NANOS3: variants seen among roughly 807,000 people sequenced by gnomAD.
NANOS3 encodes the protein nanos C2HC-type zinc finger 3.
In NANOS3, 11 loss-of-function variants were observed where a neutral mutation model predicts 13.8. The ratio of observed to expected loss-of-function variants is 0.80; its 90% CI spans 0.50 to 1.32. NANOS3 has a LOEUF of 1.32. NANOS3 is among the 40% of genes most tolerant of loss of function. NANOS3 has a pLI of 0.00. For missense variants in NANOS3, 221 were observed against 263.8 expected, an observed-to-expected ratio of 0.84 and a Z score of 1.12; for synonymous variants, 119 against 115.4, an observed-to-expected ratio of 1.03 and a Z score of -0.20.
In NANOS3 at chr19:13,877,353, G is replaced by A. The variant is rs1356687067; in HGVS notation, c.105G>A (p.Glu35=). The A allele has an allele frequency of 6.2e-7, 1 of 1,612,774 alleles. No individual in the cohort carries two copies. The highest frequency in any genetic ancestry group is 1.1e-5 in the South Asian group (1 of 91,088). Residue 35 remains glutamate (E), a synonymous_variant, in exon 1 of 2, where the codon GAG becomes GAA. Transcript: ENST00000339133. The stretch of plus-strand genomic sequence containing the variant: ...AAACCAGGCTGAGCCCCCAGCCAGA[G>A]CCAGAGCCAATGCTGGAGCCGGTGT... ...GPETRLSPQP[E]PEPMLEPVSA...
At chr19:13,864,800 G>A (rs1213443254), upstream of NANOS3, among the ~76,000 whole-genome samples, 1 of 152,126 alleles carries the variant, frequency 6.6e-6, no homozygotes, top group Non-Finnish European at 1.5e-5. Flanking sequence ...TACCTTGCAT[G>A]TGTCTGGTGC....
chr19:13,871,284 G>A (rs1976323994), intron 1 of NANOS3, among the ~76,000 whole-genome samples: 1 of 152,104 alleles, frequency 6.6e-6, no homozygotes, highest in African/African-American at 2.4e-5. Flanking sequence ...TGCACGGGCT[G>A]GGCAGGAGAC....
chr19:13,875,027 C>T (rs762064679), upstream of NANOS3: 3 of 452,454 alleles, frequency 6.6e-6, no homozygotes, highest in African/African-American at 6.1e-5. Context: ...ACAGGACCCC[C>T]CACCGCCACA....
At chr19:13,878,418 T>C (rs1290894094) in intron 1 of NANOS3, among the ~76,000 whole-genome samples, 2 of 151,282 alleles carry the variant, frequency 1.3e-5, no homozygotes, top group Non-Finnish European at 2.9e-5. Context: ...TTTGTATTTT[T>C]AGTAGAGATG....
chr19:13,863,573 G>A (rs1000785257), upstream of NANOS3, among the ~76,000 whole-genome samples: 2 of 152,006 alleles, frequency 1.3e-5, no homozygotes, highest in African/African-American at 4.8e-5. Context: ...GGCGGCACAG[G>A]AGGGCCATCA....
At chr19:13,867,993 C>T (rs138015141) in intron 1 of NANOS3, among the ~76,000 whole-genome samples, 15 of 152,112 alleles carry the variant, frequency 9.9e-5, no homozygotes, top group East Asian at 3.9e-4. Context: ...AAATGACACA[C>T]AGGCAGGCAG....
chr19:13,866,713 CAG>C (rs1976246905), intron 1 of NANOS3, among the ~76,000 whole-genome samples: 2 of 152,198 alleles, frequency 1.3e-5, no homozygotes, highest in Admixed American at 6.5e-5. Context: ...GCATGTCACT[CAG>C]GGTAGCAATG....
intron 1 of NANOS3, among the ~76,000 whole-genome samples, chr19:13,865,713 T>C (rs1233911639): frequency 1.6e-5 from 2 of 127,478 alleles, no homozygotes; most frequent in Non-Finnish European, 3.2e-5. Context: ...GACCCCCGAG[T>C]CCCGGAGCCG....
chr19:13,862,473 G>A (rs916013672), upstream of NANOS3, among the ~76,000 whole-genome samples: 7 of 152,178 alleles, frequency 4.6e-5, no homozygotes, highest in African/African-American at 1.7e-4. Flanking sequence ...ACAGCTGGCC[G>A]GTCCTGGAGA....
At chr19:13,876,191 T>G (rs1968506140), upstream of NANOS3, among the ~76,000 whole-genome samples, 3 of 152,250 alleles carry the variant, frequency 2.0e-5, no homozygotes, top group East Asian at 3.9e-4. Context: ...CAGGCTGGAG[T>G]GCAGTGGCTT....
chr19:13,874,070 G>A (rs527569612), upstream of NANOS3, among the ~76,000 whole-genome samples: 1 of 152,138 alleles, frequency 6.6e-6, no homozygotes, highest in Non-Finnish European at 1.5e-5. Context: ...CCCGAGTTCA[G>A]ATGCTGTGTG....
upstream of NANOS3, among the ~76,000 whole-genome samples, chr19:13,873,777 G>A (rs562922454): frequency 3.2e-4 from 48 of 152,220 alleles, no homozygotes; most frequent in Non-Finnish European, 5.9e-4. Context: ...GCCATGCCGG[G>A]TGCACCTTCC....
upstream of NANOS3, among the ~76,000 whole-genome samples, chr19:13,864,136 C>G (rs1976196534): frequency 6.6e-6 from 1 of 151,604 alleles, no homozygotes; most frequent in Non-Finnish European, 1.5e-5. Flanking sequence ...CCACTGCGGG[C>G]AGGGGCAGTG....
intron 1 of NANOS3, chr19:13,865,483 G>A (rs1361164845): frequency 4.2e-5 from 6 of 142,982 alleles, no homozygotes; most frequent in Non-Finnish European, 7.7e-5. Context: ...CGGGGCGGGG[G>A]CCGCCCGCGG....
upstream of NANOS3, among the ~76,000 whole-genome samples, chr19:13,864,738 A>G (rs1028832291): frequency 6.6e-5 from 10 of 151,742 alleles, no homozygotes; most frequent in African/African-American, 2.4e-4. Context: ...GCGTTTCTGC[A>G]TATTTCGGTT....
upstream of NANOS3, among the ~76,000 whole-genome samples, chr19:13,863,779 C>T (rs576409898): frequency 6.6e-6 from 1 of 152,190 alleles, no homozygotes; most frequent in Non-Finnish European, 1.5e-5. Flanking sequence ...GTCCTGGAGA[C>T]ATCCACTCTC....
upstream of NANOS3, among the ~76,000 whole-genome samples, chr19:13,862,856 G>A (rs1976178598): frequency 6.6e-6 from 1 of 152,216 alleles, no homozygotes; most frequent in African/African-American, 2.4e-5. Context: ...CCTCTTACAG[G>A]CGGTACCACC....
chr19:13,880,433 C>CA lies in NANOS3; in HGVS notation c.518-9_518-8insA. The CA allele has an allele frequency of 6.2e-7, 1 of 1,613,654 alleles. No individual in the cohort carries two copies. The highest frequency in any genetic ancestry group is 2.2e-5 in the East Asian group (1 of 44,868). ...TGATTAAGCATTTCTCTCCCTCCCC[C>CA]TCCACTAGGTTTCAGAGGTGCCGGG... On this transcript the variant is annotated splice_polypyrimidine_tract_variant and intron_variant, in intron 1 of 1. Coordinates refer to ENST00000339133, the MANE Select transcript of NANOS3 (RefSeq NM_001098622.3).
At chr19:13,870,908 CCA>C (rs1307510275) in intron 1 of NANOS3, among the ~76,000 whole-genome samples, 1 of 151,802 alleles carries the variant, frequency 6.6e-6, no homozygotes, top group Non-Finnish European at 1.5e-5. Context: ...GGGCCGTCCC[CCA>C]CACCCCACTT....
Sources: gnomAD v4.1 joint callset for allele counts (sites outside exome capture counted in the v4.1 genomes callset) on GRCh38, gnomAD v4.1.1 for gene constraint, MANE v1.5 for transcripts, NCBI Gene and HGNC (gene_info 2026-07-23, HGNC 2026-07-21) for gene names.